Variants in E2F2 observed in about 807,000 individuals in gnomAD.
E2F2 encodes the protein E2F transcription factor 2.
A neutral mutation model predicts 42.2 loss-of-function variants in E2F2; 22 were observed. The observed-to-expected ratio is 0.52, with a 90% CI of 0.37 to 0.74. The LOEUF is 0.74. Ranked by LOEUF, E2F2 falls within the 30% of genes least tolerant of loss-of-function variation. The probability of loss-of-function intolerance (pLI) is 0.00; values close to 1 mark genes in which losing one functional copy is unlikely to be tolerated. For synonymous variants in E2F2, 248 were observed against 251.6 expected, an observed-to-expected ratio of 0.99 and a Z score of 0.13; for missense variants, 481 against 557.8, an observed-to-expected ratio of 0.86 and a Z score of 1.39.
chr1:23,509,710 A>G lies in E2F2; in HGVS notation c.*170T>C. 1 of 1,323,058 alleles carries G rather than the reference A, an allele frequency of 7.6e-7. No homozygotes were observed. Among genetic ancestry groups the G allele is most frequent in the Non-Finnish European group, 9.9e-7 (1 of 1,010,040 alleles). The allele number at this position is 1,323,058 out of a possible 1,614,324, so 82.0% of individuals were successfully genotyped here. A position where few individuals can be genotyped will look rare whatever the true frequency, so the allele number is the denominator to read the frequency against. On this transcript the variant is annotated 3_prime_UTR_variant, in exon 7 of 7. Transcript: ENST00000361729. ...CCCTTATCCACTCCTCACCCGTACC[A>G]TTCATATCTCCCCACACAGCTTCTG...
chr1:23,530,837 CG>C lies in E2F2; in HGVS notation c.-45del, dbSNP rs1294513260. The C allele has an allele frequency of 7.0e-6, 10 of 1,431,154 alleles. No individual in the cohort carries two copies. Among genetic ancestry groups the C allele is most frequent in the African/African-American group, 1.5e-5 (1 of 68,524 alleles). The allele number at this position is 1,431,154 out of a possible 1,614,324, so 88.7% of individuals were successfully genotyped here. ...TACCCAAAAGGGCTTGGCGCGCCCGCGGACACCTGCGGGTTCCGGTGCTGCC... is the reference window on the plus strand; with the variant it reads ...TACCCAAAAGGGCTTGGCGCGCCCGCGACACCTGCGGGTTCCGGTGCTGCC... On this transcript the variant is annotated 5_prime_UTR_variant, in exon 1 of 7. Transcript: ENST00000361729. This position sits in a 1 kb window ranked among gnomAD's most constrained non-coding sequence, Gnocchi z 4.4.
intron 1 of E2F2, among the ~76,000 whole-genome samples, chr1:23,525,884 C>G (rs948340886): frequency 1.3e-5 from 2 of 152,118 alleles, no homozygotes; most frequent in Admixed American, 6.5e-5. Context: ...GACAGAGAGG[C>G]CTATTTTAAC....
intron 5 of E2F2, among the ~76,000 whole-genome samples, chr1:23,516,804 G>A (rs541912941): frequency 1.4e-5 from 2 of 139,636 alleles, no homozygotes; most frequent in African/African-American, 5.1e-5. Flanking sequence ...GGGGCGGGGG[G>A]GGGGGGGCAG....
In E2F2 at chr1:23,530,588, C is replaced by T. The variant is rs758593851; in HGVS notation, c.206G>A (p.Gly69Glu). 1 of 1,612,894 alleles carries T rather than the reference C, an allele frequency of 6.2e-7. No homozygotes were observed. The highest frequency in any genetic ancestry group is 8.5e-7 in the Non-Finnish European group (1 of 1,179,744). The stretch of plus-strand genomic sequence containing the variant: ...GCATCGCACAACTTGGCCCTCGGGT[C>T]CGTGGGGAGTGGCGTCGAGGCAGGT... Reference protein sequence around the residue: ...PGTCLDATPHGPEGQVVRCLP... With the variant: ...PGTCLDATPHEPEGQVVRCLP... The change falls in exon 1 of 7, where the codon GGA becomes GAA. Residue 69 changes from glycine to glutamate, a missense_variant. Physicochemically the swap from Gly to Glu is moderately conservative, Grantham distance 98 (BLOSUM62 -2). Coordinates refer to ENST00000361729, the MANE Select transcript of E2F2 (RefSeq NM_004091.4). This position sits in a 1 kb window ranked among gnomAD's most constrained non-coding sequence, Gnocchi z 4.4.
intron 3 of E2F2, chr1:23,521,461 G>T: frequency 1.3e-6 from 1 of 797,078 alleles, no homozygotes; most frequent in Non-Finnish European, 1.5e-6. Context: ...TCTGGAAGGA[G>T]TCCGGGATCC....
At chr1:23,518,014 A>G (rs774509124) in intron 5 of E2F2, among the ~76,000 whole-genome samples, 12 of 152,106 alleles carry the variant, frequency 7.9e-5, no homozygotes, top group Admixed American at 3.9e-4. Flanking sequence ...TACAAAAAAA[A>G]CAAAAAATGT....
intron 2 of E2F2, among the ~76,000 whole-genome samples, chr1:23,524,089 C>CAAAAAAAAA (rs1320072066): frequency 3.4e-5 from 2 of 58,656 alleles, no homozygotes; most frequent in East Asian, 1.0e-3. Flanking sequence ...ACAACAACAA[C>CAAAAAAAAA]AACAACAACA....
intron 1 of E2F2, among the ~76,000 whole-genome samples, chr1:23,529,385 C>T (rs1643302356): frequency 6.6e-6 from 1 of 152,164 alleles, no homozygotes; most frequent in African/African-American, 2.4e-5. Flanking sequence ...AGCCTGAGTC[C>T]ACTGGCAGGG....
chr1:23,511,600 G>A (rs1410814879), intron 6 of E2F2, among the ~76,000 whole-genome samples: 1 of 152,074 alleles, frequency 6.6e-6, no homozygotes, highest in African/African-American at 2.4e-5. Context: ...TGAAGCACTG[G>A]AAATTGCCTG....
At position 23,530,399 on chromosome 1, in the gene E2F2, C is replaced by T; in HGVS notation, c.252+143G>A. The T allele has an allele frequency of 9.0e-7, 1 of 1,116,946 alleles. No individual in the cohort carries two copies. The highest frequency in any genetic ancestry group is 1.2e-6 in the Non-Finnish European group (1 of 804,718). The allele number at this position is 1,116,946 out of a possible 1,614,324, so 69.2% of individuals were successfully genotyped here. On this transcript the variant is annotated intron_variant, in intron 1 of 6. Transcript: ENST00000361729. The surrounding 1 kb of genome is among the most constrained non-coding windows in gnomAD (Gnocchi z 4.4). ...GGGTCTTCTACTCAGATATTGGGGGCACTGGGTCCTGGAAACTGAAAGCTC... is the reference window on the plus strand; with the variant it reads ...GGGTCTTCTACTCAGATATTGGGGGTACTGGGTCCTGGAAACTGAAAGCTC...
At chr1:23,505,759 C>T (rs112289580), downstream of E2F2, among the ~76,000 whole-genome samples, 2,906 of 152,172 alleles carry the variant, frequency 0.019, 99 homozygotes, top group African/African-American at 0.065. Flanking sequence ...GCGATCCGCC[C>T]GCCTTGGACT....
rs1265656165 is a variant in E2F2 at position 23,524,091 on chromosome 1, ACAAC to A, written c.358+288_358+291del. On this transcript the variant is annotated intron_variant, in intron 2 of 6. Transcript: ENST00000361729. The stretch of plus-strand genomic sequence containing the variant: ...CTGTCTCACAACAACAACAACAACA[ACAAC>A]AACAACAACAAAAAAAAACACAGAA... Among the ~76,000 whole-genome samples, 315 of 122,918 alleles carry A rather than the reference ACAAC, an allele frequency of 2.6e-3. 24 individuals carry two copies. The highest frequency in any genetic ancestry group is 4.6e-3 in the African/African-American group (140 of 30,600). The allele number at this position is 122,918 out of a possible 152,430, so 80.6% of individuals were successfully genotyped here. A position where few individuals can be genotyped will look rare whatever the true frequency, so the allele number is the denominator to read the frequency against.
At chr1:23,521,743 G>A in intron 3 of E2F2, 94 bp downstream of exon 3, 2 of 1,548,580 alleles carry the variant, frequency 1.3e-6, no homozygotes, top group Non-Finnish European at 1.7e-6. Context: ...TCTCAGCCCC[G>A]CCCCTGCCAC....
chr1:23,525,393 G>T (rs1395840889), intron 1 of E2F2, among the ~76,000 whole-genome samples: 1 of 152,238 alleles, frequency 6.6e-6, no homozygotes, highest in Non-Finnish European at 1.5e-5. Flanking sequence ...GGGGCACTGG[G>T]ACACTGGGAC....
chr1:23,523,840 G>A (rs1456837140), intron 2 of E2F2, among the ~76,000 whole-genome samples: 4 of 152,078 alleles, frequency 2.6e-5, no homozygotes, highest in African/African-American at 4.8e-5. Flanking sequence ...TTGGGAGGCC[G>A]AGGCGGGTGG....
rs1202944245 is a variant in E2F2 at position 23,521,605 on chromosome 1, C to G, written c.578+232G>C. On this transcript the variant is annotated intron_variant, in intron 3 of 6. Transcript: ENST00000361729. ...TGTCATTCTCCACTCTGCCCCGCAT[C>G]ACGTTCTCCGATTACTTCAGCAGGT... 3 of 984,518 alleles carry G rather than the reference C, an allele frequency of 3.0e-6. No homozygotes were observed. In the African/African-American group the frequency reaches 5.3e-5, roughly 17 times the overall value. The allele number at this position is 984,518 out of a possible 1,614,324, so 61.0% of individuals were successfully genotyped here.
At chr1:23,505,678 A>T (rs947747474), downstream of E2F2, among the ~76,000 whole-genome samples, 1 of 151,936 alleles carries the variant, frequency 6.6e-6, no homozygotes, top group Non-Finnish European at 1.5e-5. Flanking sequence ...ATGCCCGCTA[A>T]TTTATTTTAT....
rs762291003 is a variant in E2F2, at chr1:23,530,652, G to C, written c.142C>G (p.Leu48Val). The C allele has an allele frequency of 6.2e-7, 1 of 1,613,384 alleles. No homozygotes were observed. Among genetic ancestry groups the C allele is most frequent in the South Asian group, 1.1e-5 (1 of 91,062 alleles). The stretch of plus-strand genomic sequence containing the variant: ...GCGGGAGGCGCCGTCTGCGGGTACA[G>C]CGGTGTGTAGTAGGTAGCAGTAGCT... ...CPATATYYTP[L>V]YPQTAPPAAA... Residue 48 changes from leucine (L) to valine (V), a missense_variant, in exon 1 of 7, where the codon CTG becomes GTG. Transcript: ENST00000361729. This position sits in a 1 kb window ranked among gnomAD's most constrained non-coding sequence, Gnocchi z 4.4.
In E2F2 at chr1:23,521,011, C is replaced by G; in HGVS notation, c.639G>C (p.Glu213Asp). ...RPGKQQQLGQ[E>D]LKELMNTEQA... ...GCTCCGTGTTCATCAGCTCCTTCAGCTCCTGCCCCAGCTGTTGCTGCTTCC... is the reference window on the plus strand; with the variant it reads ...GCTCCGTGTTCATCAGCTCCTTCAGGTCCTGCCCCAGCTGTTGCTGCTTCC... Residue 213 changes from glutamate to aspartate, a missense_variant, in exon 4 of 7, where the codon GAG (glutamate) becomes GAC (aspartate). Physicochemically the swap from Glu to Asp is conservative, Grantham distance 45. Transcript: ENST00000361729. The G allele has an allele frequency of 6.2e-7, 1 of 1,613,744 alleles. No homozygotes were observed. Among genetic ancestry groups the G allele is most frequent in the Non-Finnish European group, 8.5e-7 (1 of 1,179,792 alleles).
Sources: allele counts gnomAD v4.1 joint callset (sites outside exome capture counted in the v4.1 genomes callset), GRCh38; gene constraint gnomAD v4.1.1; non-coding constraint Gnocchi (gnomAD v3.1); transcripts MANE v1.5; gene names NCBI Gene and HGNC (gene_info 2026-07-23, HGNC 2026-07-21).